Variants in HSD17B4 observed in about 807,000 individuals in gnomAD.
The protein encoded by HSD17B4 is hydroxysteroid 17-beta dehydrogenase 4.
Under a neutral mutation model 101.0 loss-of-function variants are expected in HSD17B4, and 70 were observed. The observed-to-expected ratio is 0.69, with a 90% CI of 0.57 to 0.85. HSD17B4 has a LOEUF of 0.85. HSD17B4 is among the 40% of genes least tolerant of loss of function. The pLI is 0.00. For missense variants in HSD17B4, 984 were observed against 892.4 expected (o/e 1.10, Z -1.31); for synonymous variants, 347 against 297.1 (o/e 1.17, Z -1.73).
chr5:119,530,727 C>T (rs902044098), intron 21 of HSD17B4, among the ~76,000 whole-genome samples: 19 of 151,276 alleles, frequency 1.3e-4, no homozygotes, highest in Non-Finnish European at 2.4e-4. Context: ...GTGGCAGGCT[C>T]CTGTAATCCC....
chr5:119,492,135 C>T lies in HSD17B4; in HGVS notation c.739+11C>T. On this transcript the variant is annotated intron_variant, in intron 10 of 23. Transcript: ENST00000510025. ...GATGGATTGGAAAATGTAAGTCTCT[C>T]TCAGTTTTTGGTTTGTATAGATTAT... 1.2e-6 allele frequency: 2 copies of T among 1,603,496 alleles called. No homozygotes were observed.
intron 8 of HSD17B4, among the ~76,000 whole-genome samples, chr5:119,487,890 G>C (rs1749748414): frequency 6.6e-6 from 1 of 152,020 alleles, no homozygotes; most frequent in Non-Finnish European, 1.5e-5. Context: ...TCTTCCTTTT[G>C]TTTTTTCCTC....
intron 8 of HSD17B4, among the ~76,000 whole-genome samples, chr5:119,483,974 C>A (rs1370508649): frequency 6.6e-6 from 1 of 152,116 alleles, no homozygotes; most frequent in African/African-American, 2.4e-5. Flanking sequence ...AGGATCCAAA[C>A]AAGGTCCACA....
chr5:119,466,581 C>T (rs1301115803), intron 2 of HSD17B4, among the ~76,000 whole-genome samples: 2 of 151,996 alleles, frequency 1.3e-5, no homozygotes, highest in South Asian at 2.1e-4. Context: ...AGTTTGTTGG[C>T]GTAGAGTTGT....
intron 7 of HSD17B4, chr5:119,478,199 G>C (rs1352566855): frequency 6.5e-6 from 1 of 154,564 alleles, no homozygotes; most frequent in Non-Finnish European, 1.4e-5. Context: ...ATTGCTCCTA[G>C]ATAAGTAACT....
chr5:119,470,423 G>A (rs1756246950), intron 2 of HSD17B4, among the ~76,000 whole-genome samples: 1 of 152,074 alleles, frequency 6.6e-6, no homozygotes, highest in African/African-American at 2.4e-5. Context: ...TAACAGCTTG[G>A]GTCTCATGGG....
At chr5:119,468,788 T>C (rs1365580302) in intron 2 of HSD17B4, among the ~76,000 whole-genome samples, 1 of 151,904 alleles carries the variant, frequency 6.6e-6, no homozygotes, top group African/African-American at 2.4e-5. Flanking sequence ...TTCTTCATTC[T>C]TTTTTATGTT....
chr5:119,478,023 A>G (rs1436217942), intron 7 of HSD17B4: 4 of 171,786 alleles, frequency 2.3e-5, no homozygotes, highest in Non-Finnish European at 5.1e-5. Context: ...GCATTTTAGA[A>G]GATAGTATAC....
At chr5:119,495,039 G>GTT (rs34680033) in intron 11 of HSD17B4, among the ~76,000 whole-genome samples, 14 of 148,544 alleles carry the variant, frequency 9.4e-5, no homozygotes, top group African/African-American at 3.2e-4. Flanking sequence ...TGACTATTCG[G>GTT]TTTTTTTTTT....
intron 13 of HSD17B4, among the ~76,000 whole-genome samples, chr5:119,501,696 A>G (rs1751179268): frequency 6.6e-6 from 1 of 152,142 alleles, no homozygotes; most frequent in South Asian, 2.1e-4. Context: ...ATGAATATTT[A>G]TTGGATGCCC....
At chr5:119,456,624 A>G (rs896492519) in intron 2 of HSD17B4, 22 of 487,082 alleles carry the variant, frequency 4.5e-5, no homozygotes, top group African/African-American at 3.3e-4. Flanking sequence ...GCTTGTGGCT[A>G]TAACTCCAGT....
intron 8 of HSD17B4, among the ~76,000 whole-genome samples, chr5:119,482,869 G>A (rs977910457): frequency 1.3e-5 from 2 of 151,066 alleles, no homozygotes; most frequent in Non-Finnish European, 2.9e-5. Context: ...AGAGTCCTGG[G>A]TTGGGACCTT....
Position 119,522,753 on chromosome 5 carries a change from G to A in HSD17B4, c.1504-2463G>A, listed in dbSNP as rs181829024. ...TCTTGCTTCTTTTTTTCTTCATCCA[G>A]TCTCCAAAGGTGATATCTTTGTTTT... On this transcript the variant is annotated intron_variant, in intron 17 of 23. Transcript: ENST00000510025. Among the ~76,000 whole-genome samples, 259 of 152,052 alleles carry A rather than the reference G, an allele frequency of 1.7e-3. 1 individual carries two copies. The highest frequency in any genetic ancestry group is 2.8e-3 in the Non-Finnish European group (192 of 67,986).
At chr5:119,502,317 C>T (rs1751243746) in intron 14 of HSD17B4, among the ~76,000 whole-genome samples, 1 of 152,064 alleles carries the variant, frequency 6.6e-6, no homozygotes, top group Non-Finnish European at 1.5e-5. Context: ...CATAATTTAT[C>T]TCTGTTGATG....
chr5:119,477,665 A>T (rs1748716537), intron 7 of HSD17B4, 164 bp downstream of exon 7: 1 of 645,262 alleles, frequency 1.5e-6, no homozygotes, highest in East Asian at 2.8e-5. Flanking sequence ...TTAAATTGGT[A>T]TAATTTAGTC....
intron 17 of HSD17B4, among the ~76,000 whole-genome samples, chr5:119,517,193 C>T (rs1480774408): frequency 6.6e-6 from 1 of 152,236 alleles, no homozygotes; most frequent in African/African-American, 2.4e-5. Context: ...GGGCCCGGCA[C>T]TCAGAGCAGC....
At chr5:119,516,176 A>G (rs1358357820) in intron 17 of HSD17B4, among the ~76,000 whole-genome samples, 1 of 152,092 alleles carries the variant, frequency 6.6e-6, no homozygotes, top group Non-Finnish European at 1.5e-5. Flanking sequence ...ACATTGTTTT[A>G]TTCTTGCTTT....
chr5:119,476,657 G>A (rs777913705), intron 6 of HSD17B4: 108 of 985,354 alleles, frequency 1.1e-4, no homozygotes, highest in Non-Finnish European at 1.3e-4. Context: ...AAGAAGCTGA[G>A]AAAGATAGGA....
chr5:119,498,102 C>A (rs528277839), intron 12 of HSD17B4, among the ~76,000 whole-genome samples: 1 of 152,180 alleles, frequency 6.6e-6, no homozygotes, highest in African/African-American at 2.4e-5. Flanking sequence ...TGTTTGTATT[C>A]TTTCTTAAAA....
Sources: allele counts gnomAD v4.1 joint callset (sites outside exome capture counted in the v4.1 genomes callset), GRCh38; gene constraint gnomAD v4.1.1; transcripts MANE v1.5; gene names NCBI Gene and HGNC (gene_info 2026-07-23, HGNC 2026-07-21).